GLI2: variants seen among roughly 807,000 people sequenced by gnomAD.
The protein encoded by GLI2 is GLI family zinc finger 2.
Under a neutral mutation model 78.9 loss-of-function variants are expected in GLI2, and 22 were observed. The ratio of observed to expected loss-of-function variants is 0.28; its 90% CI spans 0.20 to 0.40. The LOEUF is 0.40. Ranked by LOEUF, GLI2 falls within the 10% of genes least tolerant of loss-of-function variation. The pLI is 1.00. For synonymous variants in GLI2, 974 were observed against 963.7 expected (o/e 1.01, Z -0.20); for missense variants, 2,097 against 2,213.2 (o/e 0.95, Z 1.05).
Position 120,984,647 on chromosome 2 carries a change from G to A in GLI2, c.1809G>A (p.Thr603=), listed in dbSNP as rs367686872. 25 of 1,613,914 alleles carry A rather than the reference G, an allele frequency of 1.5e-5. No homozygotes were observed. Among genetic ancestry groups the A allele is most frequent in the Middle Eastern group, 1.6e-4 (1 of 6,084 alleles). Residue 603 remains threonine, a synonymous_variant, in exon 12 of 14, where the codon ACG becomes ACA. Coordinates refer to ENST00000361492, the MANE Select transcript of GLI2 (RefSeq NM_001374353.1). ...LKENGDSEAG[T]EPGGPESTEA... is the part of the protein sequence containing the mutation. ...AGAATGGGGACAGTGAGGCCGGCAC[G>A]GAGCCTGGCGGCCCAGAGAGCACCG... is the stretch of plus-strand genomic sequence containing the variant.
At chr2:120,935,412 C>T (rs927475441) in intron 3 of GLI2, among the ~76,000 whole-genome samples, 9 of 152,224 alleles carry the variant, frequency 5.9e-5, no homozygotes, top group African/African-American at 1.4e-4. Flanking sequence ...GAGGGTAGAC[C>T]GACTAGATGT....
chr2:120,814,879 G>A (rs1048585064), intron 2 of GLI2, among the ~76,000 whole-genome samples: 6 of 150,602 alleles, frequency 4.0e-5, no homozygotes, highest in African/African-American at 1.2e-4. Context: ...TTGGGGTAGA[G>A]GGCAGGACAG....
At chr2:120,956,243 G>A (rs1681255610) in intron 5 of GLI2, among the ~76,000 whole-genome samples, 1 of 152,024 alleles carries the variant, frequency 6.6e-6, no homozygotes, top group South Asian at 2.1e-4. Context: ...AAAGAAGGGA[G>A]TTGAAGTTGA....
chr2:120,970,356 C>G (rs191369989), intron 6 of GLI2, 37 bp from the exon 7 acceptor site: 12 of 1,064,506 alleles, frequency 1.1e-5, no homozygotes, highest in Middle Eastern at 2.1e-4. Flanking sequence ...AGCTCCCGAT[C>G]CCCCACCCCC....
chr2:120,983,187 G>A (rs952797044), intron 11 of GLI2, among the ~76,000 whole-genome samples: 1 of 152,154 alleles, frequency 6.6e-6, no homozygotes, highest in Non-Finnish European at 1.5e-5. Context: ...AGGCCATCAT[G>A]AGGTCCTCGA....
intron 2 of GLI2, among the ~76,000 whole-genome samples, chr2:120,798,610 G>A (rs1250446108): frequency 6.6e-6 from 1 of 152,226 alleles, no homozygotes; most frequent in Non-Finnish European, 1.5e-5. Context: ...TCAACCTTCA[G>A]GCCCCTTGGG....
At chr2:120,896,666 C>G (rs994403467) in intron 2 of GLI2, among the ~76,000 whole-genome samples, 1 of 8,870 alleles carries the variant, frequency 1.1e-4, no homozygotes, top group Non-Finnish European at 1.9e-4. Flanking sequence ...CACACATACA[C>G]CCACCCCCCC....
intron 2 of GLI2, among the ~76,000 whole-genome samples, chr2:120,875,869 A>T (rs895807956): frequency 6.6e-6 from 1 of 152,212 alleles, no homozygotes; most frequent in South Asian, 2.1e-4. Context: ...TGATTAAAAC[A>T]CAGTGTTGGG....
intron 2 of GLI2, among the ~76,000 whole-genome samples, chr2:120,860,286 G>C (rs1274834717): frequency 6.6e-6 from 1 of 152,180 alleles, no homozygotes; most frequent in East Asian, 1.9e-4. Flanking sequence ...GATGGCTTCG[G>C]TCAGTTCCAG....
In GLI2 at chr2:120,970,507, A is replaced by G; in HGVS notation, c.960A>G (p.Ser320=). 1 of 1,613,880 alleles carries G rather than the reference A, an allele frequency of 6.2e-7. No individual in the cohort carries two copies. The highest frequency in any genetic ancestry group is 2.2e-5 in the East Asian group (1 of 44,858). Residue 320 remains serine (S), a synonymous_variant, in exon 7 of 14, where the codon TCA becomes TCG. Transcript: ENST00000361492. ...ACACACCACCCCTGATCCAGCCCTC[A>G]CCCACCTTCCTGGCCCAGCAGCCCA... ...FGHTPPLIQP[S]PTFLAQQPMA...
chr2:120,752,490 C>G (rs571858613), intron 1 of GLI2, among the ~76,000 whole-genome samples: 5 of 152,234 alleles, frequency 3.3e-5, no homozygotes, highest in African/African-American at 1.2e-4. Flanking sequence ...AGGATAGTCT[C>G]AATCTCCTGA....
At chr2:120,942,871 T>C (rs958471217) in intron 3 of GLI2, among the ~76,000 whole-genome samples, 2,125 of 150,690 alleles carry the variant, frequency 0.014, 67 homozygotes, top group African/African-American at 0.05. Flanking sequence ...CTTTCATTCA[T>C]TCATTCATTC....
At position 120,968,801 on chromosome 2, in the gene GLI2, A is replaced by T. The variant is rs564228727; in HGVS notation, c.731A>T (p.Asp244Val). 6.2e-7 allele frequency: 1 copy of T among 1,613,606 alleles called. No homozygotes were observed. Among genetic ancestry groups the T allele is most frequent in the South Asian group, 1.1e-5 (1 of 91,064 alleles). Residue 244 changes from aspartate to valine, a missense_variant, in exon 6 of 14, where the codon GAC becomes GTC. Physicochemically the swap from Asp to Val is radical, Grantham distance 152. Coordinates refer to ENST00000361492, the MANE Select transcript of GLI2 (RefSeq NM_001374353.1). ...SISPLSDASL[D>V]LQRMIRTSPN... ...TCCCCACTCTCAGACGCCAGCCTGG[A>T]CCTGCAGCGGATGATCCGCACCTCA...
intron 1 of GLI2, among the ~76,000 whole-genome samples, chr2:120,743,356 G>A (rs571344540): frequency 5.3e-5 from 8 of 152,216 alleles, no homozygotes; most frequent in African/African-American, 1.7e-4. Flanking sequence ...GTAATTCCAG[G>A]ATTTGGGGAG....
At position 120,775,702 on chromosome 2, in the gene GLI2, G is replaced by C. The variant is rs549204735; in HGVS notation, c.-30-21589G>C. Reference sequence around the variant, plus strand: ...CAAGGCAGGGGAGCAGAGCGCTAGAGAGAGCCTGGGGTCTGGAACTCTCTG... The same window carrying C: ...CAAGGCAGGGGAGCAGAGCGCTAGACAGAGCCTGGGGTCTGGAACTCTCTG... On this transcript the variant is annotated intron_variant, in intron 1 of 13. Coordinates refer to ENST00000361492, the MANE Select transcript of GLI2 (RefSeq NM_001374353.1). Among the ~76,000 whole-genome samples, 25 of 152,330 alleles carry C rather than the reference G, an allele frequency of 1.6e-4. 1 individual carries two copies. In the South Asian group the frequency reaches 4.3e-3, roughly 26 times the overall value.
At chr2:120,881,711 AGAGGGCAGGTGGGG>A (rs1677148527) in intron 2 of GLI2, among the ~76,000 whole-genome samples, 7 of 14,212 alleles carry the variant, frequency 4.9e-4, no homozygotes, top group Non-Finnish European at 8.3e-4. Context: ...GACAGTGGGG[AGAGGGCAGGTGGGG>A]GAGGACAGTG....
intron 13 of GLI2, 59 bp from the exon 14 acceptor site, chr2:120,988,149 G>C (rs896745329): frequency 1.3e-6 from 2 of 1,487,264 alleles, no homozygotes; most frequent in Admixed American, 4.0e-5. Flanking sequence ...GACTGAGCAC[G>C]GTCAAAGCAA....
intron 2 of GLI2, among the ~76,000 whole-genome samples, chr2:120,801,320 G>T (rs978624513): frequency 6.6e-6 from 1 of 152,124 alleles, no homozygotes. Context: ...TGTATTTTTA[G>T]TAGAGATGGG....
intron 2 of GLI2, among the ~76,000 whole-genome samples, chr2:120,891,355 C>T (rs1293985985): frequency 6.6e-6 from 1 of 152,122 alleles, no homozygotes; most frequent in East Asian, 1.9e-4. Context: ...AGTTGGCTGC[C>T]TGGGTTTGAA....
Sources: gnomAD v4.1 joint callset for allele counts (sites outside exome capture counted in the v4.1 genomes callset) on GRCh38, gnomAD v4.1.1 for gene constraint, MANE v1.5 for transcripts, NCBI Gene and HGNC (gene_info 2026-07-23, HGNC 2026-07-21) for gene names.